Variants in ECPAS observed in about 807,000 individuals in gnomAD.
ECPAS encodes Ecm29 proteasome adaptor and scaffold.
ECPAS carries 70 observed loss-of-function variants against 255.1 expected under a neutral mutation model. The observed-to-expected ratio is 0.27, with a 90% CI of 0.23 to 0.33. The LOEUF is 0.33. Ranked by LOEUF, ECPAS falls within the 10% of genes least tolerant of loss-of-function variation. ECPAS has a pLI of 1.00. For synonymous variants in ECPAS, 784 were observed against 775.0 expected, an observed-to-expected ratio of 1.01 and a Z score of -0.19; for missense variants, 1,817 against 2,206.4, an observed-to-expected ratio of 0.82 and a Z score of 3.54.
In ECPAS at chr9:111,362,003, C is replaced by G; in HGVS notation, c.*27G>C. 2 of 1,606,624 alleles carry G rather than the reference C, an allele frequency of 1.2e-6. No individual in the cohort carries two copies. The highest frequency in any genetic ancestry group is 4.5e-5 in the East Asian group (2 of 44,744). On this transcript the variant is annotated 3_prime_UTR_variant, in exon 50 of 50. Coordinates refer to ENST00000684092, the MANE Select transcript of ECPAS (RefSeq NM_001364929.1). ...CCACTTCAACCCCCAATGAACATGG[C>G]ACTTGTTTGTTTCTTCCCCTTCTAA...
At chr9:111,406,165 T>C (rs1017127685) in intron 24 of ECPAS, among the ~76,000 whole-genome samples, 1 of 149,786 alleles carries the variant, frequency 6.7e-6, no homozygotes, top group Non-Finnish European at 1.5e-5. Flanking sequence ...GTGGTATATA[T>C]ACACAATGGA....
At chr9:111,437,503 G>C (rs1254019760) in intron 6 of ECPAS, among the ~76,000 whole-genome samples, 4 of 152,178 alleles carry the variant, frequency 2.6e-5, no homozygotes, top group African/African-American at 4.8e-5. Flanking sequence ...ACCCAAAGGA[G>C]AGTATTTTTA....
intron 2 of ECPAS, among the ~76,000 whole-genome samples, chr9:111,463,497 G>T (rs754536491): frequency 2.0e-5 from 3 of 152,168 alleles, no homozygotes; most frequent in Non-Finnish European, 4.4e-5. Context: ...AATATGAATG[G>T]AACAGAGTAT....
rs1393129636 is a variant in ECPAS at position 111,386,276 on chromosome 9, G to C, written c.3527+101C>G. ...ACCACGCCCGGCCAGCTTTTTAGTAGTTTTAATTTATTCCTTTTGCACAAA... is the reference window on the plus strand; with the variant it reads ...ACCACGCCCGGCCAGCTTTTTAGTACTTTTAATTTATTCCTTTTGCACAAA... On this transcript the variant is annotated intron_variant, in intron 32 of 49. Transcript: ENST00000684092. 13 of 820,746 alleles carry C rather than the reference G, an allele frequency of 1.6e-5. No individual in the cohort carries two copies. The East Asian group carries it at 3.1e-4, about 20-fold the overall frequency. 50.8% of individuals were successfully genotyped at this position (820,746 alleles called of 1,614,324 possible).
intron 35 of ECPAS, among the ~76,000 whole-genome samples, chr9:111,380,347 G>T (rs1467965682): frequency 6.6e-6 from 1 of 151,900 alleles, no homozygotes; most frequent in East Asian, 1.9e-4. Context: ...TTATTTTTTT[G>T]TTTGTTTGTT....
At chr9:111,442,759 C>A (rs970035852) in intron 4 of ECPAS, among the ~76,000 whole-genome samples, 6 of 152,146 alleles carry the variant, frequency 3.9e-5, no homozygotes, top group African/African-American at 7.2e-5. Context: ...CCAGATCTCC[C>A]AGTCTGTTGC....
intron 5 of ECPAS, among the ~76,000 whole-genome samples, chr9:111,441,040 T>C (rs967552821): frequency 8.6e-5 from 13 of 151,770 alleles, no homozygotes; most frequent in African/African-American, 1.2e-4. Context: ...TAGTCCTAGC[T>C]ACTTGGCAGG....
chr9:111,404,368 AAG>A lies in ECPAS; in HGVS notation c.2652+4201_2652+4202del, dbSNP rs374832640. Among the ~76,000 whole-genome samples the A allele has an allele frequency of 2.7e-5, 4 of 149,882 alleles. 1 individual carries two copies. The highest frequency in any genetic ancestry group is 1.0e-4 in the African/African-American group (4 of 39,604). On this transcript the variant is annotated intron_variant, in intron 24 of 49. Coordinates refer to ENST00000684092, the MANE Select transcript of ECPAS (RefSeq NM_001364929.1). Reference sequence around the variant, plus strand: ...AACAAAAAAATTATTAGAACTGATAAAGTAAGTTACAGGATACAAAATCAACA... The same window carrying A: ...AACAAAAAAATTATTAGAACTGATAATAAGTTACAGGATACAAAATCAACA...
At position 111,424,346 on chromosome 9, in the gene ECPAS, A is replaced by G. The variant is rs1364705712; in HGVS notation, c.1215+1072T>C. ...AAGCAGTATTATTTTCATTTTTCTA[A>G]TAAGAAGGTGCAAAGAATTTAAGTA... On this transcript the variant is annotated intron_variant, in intron 12 of 49. Coordinates refer to ENST00000684092, the MANE Select transcript of ECPAS (RefSeq NM_001364929.1). Among the ~76,000 whole-genome samples, 5 of 152,332 alleles carry G rather than the reference A, an allele frequency of 3.3e-5. No homozygotes were observed. The East Asian group carries it at 7.7e-4, about 23-fold the overall frequency.
rs147972595 is a variant in ECPAS at position 111,370,677 on chromosome 9, C to T, written c.4781+45G>A. ...AGAAGTTAATAAAGGCTGCAGTTTT[C>T]GGGTCCAGTTTAAGAAATGGCATCT... On this transcript the variant is annotated intron_variant, in intron 44 of 49. Coordinates refer to ENST00000684092, the MANE Select transcript of ECPAS (RefSeq NM_001364929.1). 1,697 of 1,604,560 alleles carry T rather than the reference C, an allele frequency of 1.1e-3. 39 individuals carry two copies. In the East Asian group the frequency reaches 0.026, roughly 24 times the overall value.
intron 8 of ECPAS, among the ~76,000 whole-genome samples, chr9:111,431,156 T>A (rs1482474471): frequency 6.6e-6 from 1 of 152,248 alleles, no homozygotes; most frequent in African/African-American, 2.4e-5. Flanking sequence ...CCTCCTTCCT[T>A]ATCTACCAGT....
intron 7 of ECPAS, among the ~76,000 whole-genome samples, chr9:111,435,391 AC>A (rs1174536299): frequency 1.3e-5 from 2 of 152,220 alleles, no homozygotes; most frequent in African/African-American, 2.4e-5. Flanking sequence ...CAAAACACAT[AC>A]AGAGGCATAT....
intron 25 of ECPAS, 115 bp downstream of exon 25, chr9:111,396,915 A>G: frequency 7.5e-7 from 1 of 1,342,194 alleles, no homozygotes; most frequent in East Asian, 2.4e-5. Flanking sequence ...TAAAACAGAT[A>G]TAAATATTTG....
chr9:111,479,165 G>A lies in ECPAS; in HGVS notation c.-83+4951C>T, dbSNP rs189718983. Among the ~76,000 whole-genome samples, 541 of 152,296 alleles carry A rather than the reference G, an allele frequency of 3.6e-3. 5 individuals are homozygous for A. Among genetic ancestry groups the A allele is most frequent in the African/African-American group, 0.012 (500 of 41,554 alleles). ...ACCTACCTTTCAGGGTTATTCTGAG[G>A]AATAATACATACAAAGCATTTAAAA... On this transcript the variant is annotated intron_variant, in intron 1 of 49. Transcript: ENST00000684092.
intron 35 of ECPAS, among the ~76,000 whole-genome samples, chr9:111,379,976 C>T (rs1222857819): frequency 1.3e-5 from 2 of 152,204 alleles, no homozygotes; most frequent in East Asian, 1.9e-4. Flanking sequence ...TTCTTCCAAA[C>T]TATTAATGAC....
intron 1 of ECPAS, chr9:111,483,495 G>C (rs1286812821): frequency 1.1e-5 from 11 of 978,896 alleles, no homozygotes; most frequent in Non-Finnish European, 1.3e-5. Context: ...GTTCGGCCGC[G>C]GCACTTACTC....
At chr9:111,376,927 T>G (rs190525401) in intron 36 of ECPAS, among the ~76,000 whole-genome samples, 164 of 152,346 alleles carry the variant, frequency 1.1e-3, no homozygotes, top group African/African-American at 3.8e-3. Flanking sequence ...TTCTTTAACT[T>G]TGTAATTACC....
chr9:111,407,422 A>AG (rs2098186275), intron 24 of ECPAS, among the ~76,000 whole-genome samples: 1 of 144,144 alleles, frequency 6.9e-6, no homozygotes, highest in Non-Finnish European at 1.5e-5. Flanking sequence ...AAAAAAAAAA[A>AG]AAAAAAAAAA....
intron 1 of ECPAS, among the ~76,000 whole-genome samples, chr9:111,482,360 A>C (rs2098307046): frequency 6.6e-6 from 1 of 152,192 alleles, no homozygotes; most frequent in Non-Finnish European, 1.5e-5. Flanking sequence ...AATCTCTCCA[A>C]ACCTGCCTCC....
Sources: allele counts gnomAD v4.1 joint callset (sites outside exome capture counted in the v4.1 genomes callset), GRCh38; gene constraint gnomAD v4.1.1; transcripts MANE v1.5; gene names NCBI Gene and HGNC (gene_info 2026-07-23, HGNC 2026-07-21).